The following TNIK variants were observed in gnomAD, a reference collection of about 807,000 sequenced individuals.
TNIK encodes the protein TRAF2 and NCK-interacting protein kinase.
Under a neutral mutation model 191.3 loss-of-function variants are expected in TNIK, and 49 were observed. That is an observed-to-expected ratio of 0.26 (90% CI 0.20 to 0.32). The LOEUF (loss-of-function observed/expected upper bound fraction) is 0.32. Among genes scored for constraint, TNIK ranks in the 10% least tolerant of loss-of-function variants. TNIK has a pLI of 1.00. For missense variants in TNIK, 1,155 were observed against 1,702.3 expected (o/e 0.68, Z 5.66); for synonymous variants, 594 against 600.9 (o/e 0.99, Z 0.17).
At chr3:171,101,421 G>T (rs1258576223) in intron 22 of TNIK, 28 bp downstream of exon 22, 1 of 1,573,910 alleles carries the variant, frequency 6.4e-7, no homozygotes, top group East Asian at 2.3e-5. Context: ...TCCCCTCCCG[G>T]TCTACACTTT....
In TNIK at chr3:171,149,621, T is replaced by C. The variant is rs143378915; in HGVS notation, c.1221+7839A>G. ...TGGGAGGTGGGGTTCCTTATATCCA[T>C]GCAGATGACACGGCTCCCTGAAACA... is the stretch of plus-strand genomic sequence containing the variant. On this transcript the variant is annotated intron_variant, in intron 12 of 32. Transcript: ENST00000436636. Among the ~76,000 whole-genome samples, 192 of 152,270 alleles carry C rather than the reference T, an allele frequency of 1.3e-3. 1 individual carries two copies. The highest frequency in any genetic ancestry group is 4.5e-3 in the African/African-American group (188 of 41,552).
At chr3:171,177,291 C>T (rs371184351) in intron 8 of TNIK, 35 bp downstream of exon 8, 2 of 1,592,970 alleles carry the variant, frequency 1.3e-6, no homozygotes, top group Non-Finnish European at 8.6e-7. Flanking sequence ...CAGAGCAGAC[C>T]AGCAACAGAT....
chr3:171,154,455 C>T (rs1352082182), intron 12 of TNIK, among the ~76,000 whole-genome samples: 1 of 152,140 alleles, frequency 6.6e-6, no homozygotes, highest in Non-Finnish European at 1.5e-5. Context: ...CTATTTGATT[C>T]ATTCCTGTGA....
intron 4 of TNIK, among the ~76,000 whole-genome samples, chr3:171,201,117 G>C (rs992619562): frequency 6.6e-6 from 1 of 152,072 alleles, no homozygotes; most frequent in Non-Finnish European, 1.5e-5. Flanking sequence ...AAAATAATAG[G>C]GGCTGGGCAC....
intron 2 of TNIK, chr3:171,347,231 A>G: frequency 6.6e-7 from 1 of 1,526,386 alleles, no homozygotes; most frequent in Non-Finnish European, 8.7e-7. Context: ...GAAAAAAAAA[A>G]AAAAAGAAAA....
At chr3:171,444,585 A>G (rs9823852) in intron 1 of TNIK, among the ~76,000 whole-genome samples, 20,536 of 151,532 alleles carry the variant, frequency 0.14, 2,141 homozygotes, top group African/African-American at 0.29. Flanking sequence ...AAAAAAAAAA[A>G]AAAAAAGAAA....
intron 10 of TNIK, among the ~76,000 whole-genome samples, chr3:171,163,008 G>A (rs1051527811): frequency 9.9e-5 from 15 of 152,224 alleles, no homozygotes; most frequent in African/African-American, 3.6e-4. Context: ...AAGGTCAGTG[G>A]CCCTTCTCCA....
chr3:171,098,848 C>T (rs1242951744), intron 22 of TNIK, among the ~76,000 whole-genome samples: 1 of 152,092 alleles, frequency 6.6e-6, no homozygotes, highest in African/African-American at 2.4e-5. Flanking sequence ...GCAATCATCA[C>T]ATTGTAGAAC....
intron 2 of TNIK, among the ~76,000 whole-genome samples, chr3:171,282,342 T>G (rs1479707052): frequency 1.4e-5 from 1 of 70,618 alleles, no homozygotes; most frequent in Non-Finnish European, 3.0e-5. Context: ...TGGTTTTTTG[T>G]TTTTTTTTTT....
rs12485897 is a variant in TNIK at position 171,375,208 on chromosome 3, T to C, written c.58-5523A>G. Among the ~76,000 whole-genome samples the C allele has an allele frequency of 0.014, 2,057 of 152,322 alleles. 172 individuals are homozygous for C. In the East Asian group the frequency reaches 0.24, roughly 18 times the overall value. ...GACTAGCTTGGGGCCTGATATGTAATAGGACTTTAATAAATATTCATTTTC... is the reference window on the plus strand; with the variant it reads ...GACTAGCTTGGGGCCTGATATGTAACAGGACTTTAATAAATATTCATTTTC... On this transcript the variant is annotated intron_variant, in intron 1 of 32. Transcript: ENST00000436636.
At chr3:171,107,119 C>T (rs1305353689) in intron 21 of TNIK, 64 bp downstream of exon 21, 1 of 1,540,916 alleles carries the variant, frequency 6.5e-7, no homozygotes, top group African/African-American at 1.4e-5. Context: ...TGAATGTCAA[C>T]ATTAGGAAAT....
intron 12 of TNIK, 91 bp from the exon 13 acceptor site, chr3:171,140,600 A>G: frequency 1.7e-6 from 2 of 1,207,418 alleles, no homozygotes; most frequent in East Asian, 2.3e-5. Context: ...AACCCCAGAC[A>G]TGAACTTTTA....
chr3:171,319,544 T>C (rs1352422097), intron 2 of TNIK, among the ~76,000 whole-genome samples: 1 of 152,140 alleles, frequency 6.6e-6, no homozygotes, highest in Non-Finnish European at 1.5e-5. Flanking sequence ...AACATATTCA[T>C]TGAGGTTAGC....
At chr3:171,161,190 A>G in intron 11 of TNIK, 80 bp downstream of exon 11, 1 of 1,476,066 alleles carries the variant, frequency 6.8e-7, no homozygotes, top group Non-Finnish European at 9.3e-7. Context: ...AAACGAACCT[A>G]TAAATCAAAA....
At chr3:171,081,676 C>T (rs1033928403) in intron 27 of TNIK, among the ~76,000 whole-genome samples, 22 of 149,822 alleles carry the variant, frequency 1.5e-4, no homozygotes, top group Admixed American at 6.7e-4. Context: ...TGTTACAAGG[C>T]CTTCACTTTA....
chr3:171,217,746 CATGAGAAGT>C (rs1180926533), intron 3 of TNIK, among the ~76,000 whole-genome samples: 1 of 152,068 alleles, frequency 6.6e-6, no homozygotes, highest in African/African-American at 2.4e-5. Context: ...AAATTACGAC[CATGAGAAGT>C]ATGTGGTAGC....
chr3:171,122,621 A>G (rs1375693467), intron 18 of TNIK, among the ~76,000 whole-genome samples: 4 of 152,186 alleles, frequency 2.6e-5, no homozygotes, highest in Non-Finnish European at 5.9e-5. Context: ...TTAAAACTTT[A>G]TGATTTAAAG....
chr3:171,447,043 T>G (rs954610946), intron 1 of TNIK, among the ~76,000 whole-genome samples: 2 of 151,904 alleles, frequency 1.3e-5, no homozygotes, highest in African/African-American at 4.8e-5. Flanking sequence ...ATACAAAAAT[T>G]AGTTGGGCGT....
At chr3:171,419,053 T>A (rs1179383676) in intron 1 of TNIK, among the ~76,000 whole-genome samples, 2 of 152,164 alleles carry the variant, frequency 1.3e-5, no homozygotes, top group African/African-American at 4.8e-5. Flanking sequence ...AGTATATTAA[T>A]CCTACCAGAT....
Sources: allele counts gnomAD v4.1 joint callset (sites outside exome capture counted in the v4.1 genomes callset), GRCh38; gene constraint gnomAD v4.1.1; transcripts MANE v1.5; gene names NCBI Gene and HGNC (gene_info 2026-07-23, HGNC 2026-07-21).